The following TANC1 variants were observed in gnomAD, a reference collection of about 807,000 sequenced individuals.
The protein encoded by TANC1 is tetratricopeptide repeat, ankyrin repeat and coiled-coil containing 1.
Under a neutral mutation model 149.7 loss-of-function variants are expected in TANC1, and 77 were observed. That is an observed-to-expected ratio of 0.51 (90% CI 0.43 to 0.62). TANC1 has a LOEUF of 0.62. Among genes scored for constraint, TANC1 ranks in the 20% least tolerant of loss-of-function variants. The pLI is 0.00. For missense variants in TANC1, 1,985 were observed against 2,321.8 expected, an observed-to-expected ratio of 0.85 and a Z score of 2.98; for synonymous variants, 854 against 925.0, an observed-to-expected ratio of 0.92 and a Z score of 1.39.
intron 20 of TANC1, 34 bp from the exon 21 acceptor site, chr2:159,219,204 G>A: frequency 1.2e-6 from 2 of 1,613,390 alleles, no homozygotes; most frequent in South Asian, 2.2e-5. Flanking sequence ...GGAAAATGCA[G>A]CAGGAGGATG....
At chr2:159,219,903 A>G (rs2059579689) in intron 22 of TANC1, 36 bp downstream of exon 22, 2 of 1,608,056 alleles carry the variant, frequency 1.2e-6, no homozygotes, top group Non-Finnish European at 1.7e-6. Flanking sequence ...CTCCACCTGC[A>G]TTGGAAAGAA....
chr2:159,079,982 C>T (rs1467260484), intron 3 of TANC1, among the ~76,000 whole-genome samples: 1 of 152,160 alleles, frequency 6.6e-6, no homozygotes, highest in Non-Finnish European at 1.5e-5. Flanking sequence ...GTTTGGTAGT[C>T]TACTTGAAAA....
At chr2:159,124,824 C>T (rs983649983) in intron 4 of TANC1, among the ~76,000 whole-genome samples, 8 of 151,704 alleles carry the variant, frequency 5.3e-5, no homozygotes, top group African/African-American at 2.4e-5. Flanking sequence ...ACTGCAGCCT[C>T]GACTTGTGTG....
At chr2:159,143,062 CAA>C (rs70994269) in intron 5 of TANC1, among the ~76,000 whole-genome samples, 152 of 87,346 alleles carry the variant, frequency 1.7e-3, no homozygotes, top group African/African-American at 7.1e-3. Context: ...GACTCTGTCT[CAA>C]AAAAAAAAAA....
chr2:159,039,477 C>T (rs915718208), intron 2 of TANC1, among the ~76,000 whole-genome samples: 3 of 152,034 alleles, frequency 2.0e-5, no homozygotes, highest in Admixed American at 1.3e-4. Context: ...CTGCTTTCTC[C>T]TGTGGGCATT....
At chr2:159,053,128 A>T (rs1005354036) in intron 2 of TANC1, among the ~76,000 whole-genome samples, 4 of 149,430 alleles carry the variant, frequency 2.7e-5, no homozygotes, top group African/African-American at 2.5e-5. Context: ...TTAAACCTGA[A>T]TTTTTTTTTT....
At chr2:159,055,058 G>A (rs141693640) in intron 2 of TANC1, among the ~76,000 whole-genome samples, 1 of 152,336 alleles carries the variant, frequency 6.6e-6, no homozygotes, top group East Asian at 1.9e-4. Flanking sequence ...GGGGATTGTA[G>A]CTCTGTTGTA....
rs139697368 is a variant in TANC1, at chr2:159,028,750, G to T, written c.-16+27561G>T. On this transcript the variant is annotated intron_variant, in intron 2 of 26. Coordinates refer to ENST00000263635, the MANE Select transcript of TANC1 (RefSeq NM_033394.3). ...CATTCTGCTCTGCTTCTATGAGTTT[G>T]ATTATTAATTAATTAATTATGATTA... Among the ~76,000 whole-genome samples, 33 of 152,202 alleles carry T rather than the reference G, an allele frequency of 2.2e-4. No homozygotes were observed. In the East Asian group the frequency reaches 6.0e-3, roughly 28 times the overall value.
intron 1 of TANC1, among the ~76,000 whole-genome samples, chr2:158,992,322 A>T (rs1475367428): frequency 6.6e-6 from 1 of 151,446 alleles, no homozygotes; most frequent in African/African-American, 2.4e-5. Context: ...CTGTGATCAC[A>T]CCACTGCACT....
intron 2 of TANC1, among the ~76,000 whole-genome samples, chr2:159,033,113 G>T (rs1340747631): frequency 6.6e-6 from 1 of 152,188 alleles, no homozygotes; most frequent in Non-Finnish European, 1.5e-5. Context: ...ATGTCATGGA[G>T]CCTGCCATCA....
In TANC1 at chr2:159,008,445, A is replaced by G. The variant is rs1028480345; in HGVS notation, c.-16+7256A>G. Among the ~76,000 whole-genome samples, 3 of 152,180 alleles carry G rather than the reference A, an allele frequency of 2.0e-5. No individual in the cohort carries two copies. The East Asian group carries it at 5.8e-4, about 29-fold the overall frequency. ...TGCAGGCATAGGTTTGCTGCTATTC[A>G]TGGGCTGCATAAAATAACATTCAGC... On this transcript the variant is annotated intron_variant, in intron 2 of 26. Transcript: ENST00000263635.
intron 22 of TANC1, among the ~76,000 whole-genome samples, chr2:159,221,079 G>A (rs1411768783): frequency 6.6e-6 from 1 of 152,118 alleles, no homozygotes; most frequent in African/African-American, 2.4e-5. Flanking sequence ...GGCCGGGTGC[G>A]GTGGCTCATG....
intron 4 of TANC1, 36 bp downstream of exon 4, chr2:159,097,870 A>G (rs374564060): frequency 3.4e-5 from 53 of 1,574,182 alleles, no homozygotes; most frequent in Non-Finnish European, 4.2e-5. Flanking sequence ...TTGGTTATAT[A>G]TGTAGTACCT....
chr2:159,177,091 G>A (rs1161170173), intron 13 of TANC1, among the ~76,000 whole-genome samples: 3 of 151,798 alleles, frequency 2.0e-5, no homozygotes, highest in South Asian at 2.1e-4. Context: ...TGTATTTTTA[G>A]TAGAGACGGA....
intron 2 of TANC1, among the ~76,000 whole-genome samples, chr2:159,054,950 G>A (rs2041739103): frequency 6.6e-6 from 1 of 152,160 alleles, no homozygotes; most frequent in African/African-American, 2.4e-5. Context: ...TATTCTTGGT[G>A]AAATAACAAC....
chr2:159,152,133 A>T (rs1559354250), intron 7 of TANC1, among the ~76,000 whole-genome samples: 1 of 152,174 alleles, frequency 6.6e-6, no homozygotes, highest in East Asian at 1.9e-4. Context: ...ACTCAGCTTG[A>T]AGGCCTTCCA....
intron 4 of TANC1, among the ~76,000 whole-genome samples, chr2:159,115,025 G>C (rs1238534090): frequency 1.3e-5 from 2 of 152,218 alleles, no homozygotes; most frequent in Non-Finnish European, 2.9e-5. Flanking sequence ...AGATGTGGTG[G>C]ATATAAAGGT....
At chr2:159,182,385 A>C (rs948305831) in intron 14 of TANC1, among the ~76,000 whole-genome samples, 1 of 152,190 alleles carries the variant, frequency 6.6e-6, no homozygotes, top group African/African-American at 2.4e-5. Flanking sequence ...TAACCACGCT[A>C]TTACTGCACC....
At chr2:159,007,335 A>G (rs1326921515) in intron 2 of TANC1, among the ~76,000 whole-genome samples, 2 of 152,104 alleles carry the variant, frequency 1.3e-5, no homozygotes, top group African/African-American at 2.4e-5. Context: ...TAATAGAGAC[A>G]GGGTTTTTCC....
Sources: gnomAD v4.1 joint callset for allele counts (sites outside exome capture counted in the v4.1 genomes callset) on GRCh38, gnomAD v4.1.1 for gene constraint, MANE v1.5 for transcripts, NCBI Gene and HGNC (gene_info 2026-07-23, HGNC 2026-07-21) for gene names.